The following DLC1 variants were observed in gnomAD, a reference collection of about 807,000 sequenced individuals.
DLC1 encodes DLC1 Rho GTPase activating protein.
DLC1 carries 54 observed loss-of-function variants against 140.3 expected under a neutral mutation model. The observed-to-expected ratio is 0.38, with a 90% CI of 0.31 to 0.48. The LOEUF (loss-of-function observed/expected upper bound fraction) is 0.48. Among genes scored for constraint, DLC1 ranks in the 20% least tolerant of loss-of-function variants. The probability of loss-of-function intolerance (pLI) is 0.96; values close to 1 mark genes in which losing one functional copy is unlikely to be tolerated. For missense variants in DLC1, 2,536 were observed against 1,907.0 expected, an observed-to-expected ratio of 1.33 and a Z score of -6.14; for synonymous variants, 986 against 728.1, an observed-to-expected ratio of 1.35 and a Z score of -5.70.
chr8:13,320,214 T>TGAAC (rs2116900060), intron 4 of DLC1, among the ~76,000 whole-genome samples: 1 of 152,304 alleles, frequency 6.6e-6, no homozygotes, highest in Non-Finnish European at 1.5e-5. Context: ...ATTTCAAATA[T>TGAAC]GAACACTAGA....
upstream of DLC1, among the ~76,000 whole-genome samples, chr8:13,515,881 A>C (rs763005104): frequency 2.0e-5 from 3 of 152,228 alleles, no homozygotes; most frequent in Non-Finnish European, 4.4e-5. Flanking sequence ...ATACAAACAC[A>C]GAGGAAGCTG....
intron 1 of DLC1, among the ~76,000 whole-genome samples, chr8:13,587,077 T>TACACACACACAC (rs3066501): frequency 1.0e-3 from 147 of 142,906 alleles, no homozygotes; most frequent in African/African-American, 2.6e-3. Flanking sequence ...GAAAATAGTT[T>TACACACACACAC]ACACACACAC....
At chr8:13,214,749 C>G (rs565907700) in intron 5 of DLC1, 1 of 780,872 alleles carries the variant, frequency 1.3e-6, no homozygotes, top group East Asian at 2.4e-5. Flanking sequence ...TATCTTCATC[C>G]ACTTCCAACT....
At position 13,099,960 on chromosome 8, in the gene DLC1, G is replaced by T; in HGVS notation, c.2377C>A (p.Gln793Lys). ...NQSTFNNVVE[Q>K]NFKNRESYPE... ...TAGCTCTCGCGGTTCTTAAAGTTCTGCTCCACCACGTTGTTAAATGTTGAC... is the reference window on the plus strand; with the variant it reads ...TAGCTCTCGCGGTTCTTAAAGTTCTTCTCCACCACGTTGTTAAATGTTGAC... The change falls in exon 9 of 18, where the codon CAG (glutamine) becomes AAG (lysine). Residue 793 changes from glutamine (Q) to lysine (K), a missense_variant. Gln to Lys is a moderately conservative substitution (Grantham distance 53). Transcript: ENST00000276297. 1 of 1,613,026 alleles carries T rather than the reference G, an allele frequency of 6.2e-7. No homozygotes were observed. The highest frequency in any genetic ancestry group is 8.5e-7 in the Non-Finnish European group (1 of 1,180,030).
At chr8:13,146,375 A>T (rs552281365) in intron 5 of DLC1, among the ~76,000 whole-genome samples, 9 of 151,988 alleles carry the variant, frequency 5.9e-5, no homozygotes, top group African/African-American at 1.9e-4. Context: ...AATCAGTACT[A>T]GTTACCCTCT....
chr8:13,474,842 A>G (rs1800370728), intron 2 of DLC1, among the ~76,000 whole-genome samples: 1 of 152,186 alleles, frequency 6.6e-6, no homozygotes, highest in African/African-American at 2.4e-5. Flanking sequence ...CAATGCCTGA[A>G]TCCTCATTGT....
At position 13,088,481 on chromosome 8, in the gene DLC1, G is replaced by A. The variant is rs188408562; in HGVS notation, c.4292+6C>T. The stretch of plus-strand genomic sequence containing the variant: ...TGTCACAAAAAAACAACTGGGAAGC[G>A]CTCACCTTAAAACAACGTAGTCTCG... On this transcript the variant is annotated splice_donor_region_variant and intron_variant, in intron 16 of 17. Transcript: ENST00000276297. The A allele has an allele frequency of 2.0e-5, 33 of 1,614,026 alleles. No individual in the cohort carries two copies. Among genetic ancestry groups the A allele is most frequent in the Middle Eastern group, 1.6e-4 (1 of 6,062 alleles).
rs184753825 is a variant in DLC1, at chr8:13,083,882, A to G, written c.*1929T>C. 6.5e-6 allele frequency: 1 copy of G among 152,754 alleles called. No individual in the cohort carries two copies. The highest frequency in any genetic ancestry group is 1.9e-4 in the East Asian group (1 of 5,190). 9.5% of individuals were successfully genotyped at this position (152,754 alleles called of 1,614,324 possible). On this transcript the variant is annotated 3_prime_UTR_variant, in exon 18 of 18. Coordinates refer to ENST00000276297, the MANE Select transcript of DLC1 (RefSeq NM_182643.3). ...TGCAATCTGTGGTTTTAAGGGTGGGAGTGAGATGCAATATTAAGGAAGGCA... is the reference window on the plus strand; with the variant it reads ...TGCAATCTGTGGTTTTAAGGGTGGGGGTGAGATGCAATATTAAGGAAGGCA...
At chr8:13,533,960 A>G (rs1033354675) in intron 1 of DLC1, among the ~76,000 whole-genome samples, 1 of 152,112 alleles carries the variant, frequency 6.6e-6, no homozygotes, top group African/African-American at 2.4e-5. Flanking sequence ...GGAACTGGCA[A>G]TCAATCAAAC....
chr8:13,299,401 C>G (rs896407256), intron 5 of DLC1, among the ~76,000 whole-genome samples: 5 of 150,448 alleles, frequency 3.3e-5, no homozygotes, highest in African/African-American at 1.2e-4. Context: ...TGAGTCGAGA[C>G]CGTGTCATTG....
intron 5 of DLC1, among the ~76,000 whole-genome samples, chr8:13,279,669 G>A (rs1831298404): frequency 6.6e-6 from 1 of 152,090 alleles, no homozygotes; most frequent in Admixed American, 6.5e-5. Context: ...AACCCCTTAT[G>A]GATAAATCTC....
chr8:13,568,264 T>C (rs1265066499), intron 1 of DLC1: 1 of 238,808 alleles, frequency 4.2e-6, no homozygotes, highest in Non-Finnish European at 8.7e-6. Flanking sequence ...GGGGAATTAA[T>C]AAATAGTAGA....
intron 1 of DLC1, among the ~76,000 whole-genome samples, chr8:13,529,360 G>A (rs187140720): frequency 6.6e-6 from 1 of 152,108 alleles, no homozygotes; most frequent in Non-Finnish European, 1.5e-5. Context: ...AATAATTTGA[G>A]ATTGTTTTAT....
chr8:13,397,366 A>G (rs966665788), intron 3 of DLC1, among the ~76,000 whole-genome samples: 12 of 152,184 alleles, frequency 7.9e-5, no homozygotes, highest in East Asian at 7.7e-4. Flanking sequence ...CTGTTGAAGA[A>G]TAGAAGGAAA....
At chr8:13,334,690 A>T (rs1833748393) in intron 4 of DLC1, among the ~76,000 whole-genome samples, 1 of 152,170 alleles carries the variant, frequency 6.6e-6, no homozygotes, top group Non-Finnish European at 1.5e-5. Flanking sequence ...GAAGAATCAA[A>T]AATTCCTTCT....
intron 2 of DLC1, among the ~76,000 whole-genome samples, chr8:13,452,492 G>T (rs554241859): frequency 6.6e-6 from 1 of 152,088 alleles, no homozygotes; most frequent in Non-Finnish European, 1.5e-5. Context: ...AACTAAGAAG[G>T]TATTTACTTT....
At chr8:13,153,764 G>T (rs4545097) in intron 5 of DLC1, among the ~76,000 whole-genome samples, 1 of 151,310 alleles carries the variant, frequency 6.6e-6, no homozygotes, top group East Asian at 2.0e-4. Flanking sequence ...AAACCTAGAG[G>T]TAGACACAGA....
At chr8:13,222,836 C>T (rs1277635172) in intron 5 of DLC1, among the ~76,000 whole-genome samples, 1 of 152,118 alleles carries the variant, frequency 6.6e-6, no homozygotes, top group Non-Finnish European at 1.5e-5. Context: ...CACAACCTCC[C>T]AGGCTCAAGC....
Position 13,246,524 on chromosome 8 carries a change from A to ATG in DLC1, c.1348+58743_1348+58744dup, listed in dbSNP as rs531147393. Reference sequence around the variant, plus strand: ...GGAGAGAGTATGACTGTGTGTGTGTATGTGTGATCATCTGAAATAGAATTT... The same window carrying ATG: ...GGAGAGAGTATGACTGTGTGTGTGTATGTGTGTGATCATCTGAAATAGAATTT... On this transcript the variant is annotated intron_variant, in intron 5 of 17. Coordinates refer to ENST00000276297, the MANE Select transcript of DLC1 (RefSeq NM_182643.3). Among the ~76,000 whole-genome samples, 543 of 152,072 alleles carry ATG rather than the reference A, an allele frequency of 3.6e-3. 4 individuals carry two copies. The highest frequency in any genetic ancestry group is 0.021 in the South Asian group (100 of 4,774).
Sources: allele counts gnomAD v4.1 joint callset (sites outside exome capture counted in the v4.1 genomes callset), GRCh38; gene constraint gnomAD v4.1.1; transcripts MANE v1.5; gene names NCBI Gene and HGNC (gene_info 2026-07-23, HGNC 2026-07-21).